The following BLTP3B variants were observed in gnomAD, a reference collection of about 807,000 sequenced individuals.
BLTP3B encodes UHRF1 (ICBP90) binding protein 1-like.
the BLTP3B span, among the ~76,000 whole-genome samples, chr12:100,041,827 A>C: frequency 6.6e-6 from 1 of 152,184 alleles, no homozygotes; most frequent in Non-Finnish European, 1.5e-5. Flanking sequence ...ATTGGAAAGG[A>C]AGAAGTAAAA....
chr12:100,056,956 T>C, the BLTP3B span, among the ~76,000 whole-genome samples: 66 of 152,370 alleles, frequency 4.3e-4, no homozygotes, highest in African/African-American at 1.6e-3. Flanking sequence ...AACTCCTTAA[T>C]GCCTTAATGA....
the BLTP3B span, among the ~76,000 whole-genome samples, chr12:100,040,874 G>A: frequency 2.6e-5 from 4 of 152,128 alleles, no homozygotes; most frequent in Admixed American, 6.6e-5. Context: ...GGCTTCACTG[G>A]AGAATTTTAT....
chr12:100,069,847 T>G, the BLTP3B span: 1 of 643,790 alleles, frequency 1.6e-6, no homozygotes, highest in African/African-American at 2.0e-5. Flanking sequence ...TTTTCCCCAA[T>G]AACCTATGGA....
At chr12:100,121,354 G>GAAA in the BLTP3B span, among the ~76,000 whole-genome samples, 256 of 97,112 alleles carry the variant, frequency 2.6e-3, 1 homozygote, top group African/African-American at 8.1e-3. Context: ...CCATCTCATG[G>GAAA]AAAAAAAAAA....
At chr12:100,129,386 A>G in the BLTP3B span, among the ~76,000 whole-genome samples, 2 of 152,212 alleles carry the variant, frequency 1.3e-5, no homozygotes, top group African/African-American at 4.8e-5. Context: ...TATGTATTCT[A>G]TGGAGGCCAA....
chr12:100,093,155 G>T, the BLTP3B span, among the ~76,000 whole-genome samples: 2 of 152,148 alleles, frequency 1.3e-5, no homozygotes, highest in East Asian at 3.9e-4. Context: ...TCTATGTTAG[G>T]GCCCAGTGGT....
the BLTP3B span, among the ~76,000 whole-genome samples, chr12:100,072,272 C>A: frequency 3.3e-5 from 5 of 150,122 alleles, no homozygotes; most frequent in Admixed American, 6.6e-5. Flanking sequence ...GAAAAAAAAA[C>A]AAAAAACAAA....
At chr12:100,066,128 G>C in the BLTP3B span, among the ~76,000 whole-genome samples, 1 of 152,134 alleles carries the variant, frequency 6.6e-6, no homozygotes, top group Non-Finnish European at 1.5e-5. Flanking sequence ...CTGCCTTCAA[G>C]AGACTCACCT....
the BLTP3B span, among the ~76,000 whole-genome samples, chr12:100,078,560 G>T: frequency 6.6e-6 from 1 of 152,096 alleles, no homozygotes; most frequent in African/African-American, 2.4e-5. Flanking sequence ...AGAGGGTGGG[G>T]GCTTTGGGTA....
chr12:100,068,819 A>G, the BLTP3B span, among the ~76,000 whole-genome samples: 1 of 152,348 alleles, frequency 6.6e-6, no homozygotes, highest in Admixed American at 6.5e-5. Context: ...TCACTTCAAG[A>G]AAGGCCATAA....
At chr12:100,070,221 A>C in the BLTP3B span, 2 of 1,540,980 alleles carry the variant, frequency 1.3e-6, no homozygotes, top group Non-Finnish European at 8.7e-7. Flanking sequence ...AAAACAAAAA[A>C]CCACAAAAGA....
the BLTP3B span, among the ~76,000 whole-genome samples, chr12:100,061,189 T>C: frequency 6.6e-6 from 1 of 152,190 alleles, no homozygotes; most frequent in African/African-American, 2.4e-5. Context: ...CTGCAGAGAC[T>C]GCATCACACT....
the BLTP3B span, among the ~76,000 whole-genome samples, chr12:100,094,311 A>G: frequency 6.6e-6 from 1 of 151,982 alleles, no homozygotes; most frequent in African/African-American, 2.4e-5. Context: ...GGGACTCAAT[A>G]TATTGCCCAG....
the BLTP3B span, among the ~76,000 whole-genome samples, chr12:100,090,738 TATTA>T: frequency 4.6e-5 from 7 of 152,276 alleles, no homozygotes; most frequent in East Asian, 5.8e-4. Context: ...GAAAACTTTT[TATTA>T]ATTAATTGTT....
the BLTP3B span, among the ~76,000 whole-genome samples, chr12:100,045,849 G>A: frequency 5.5e-4 from 84 of 152,084 alleles, no homozygotes; most frequent in Non-Finnish European, 1.1e-3. Flanking sequence ...GGTTAATATC[G>A]AGAATCTACA....
the BLTP3B span, among the ~76,000 whole-genome samples, chr12:100,080,349 C>CTTTTTTTTTTTTTTTTTT: frequency 1.4e-5 from 2 of 141,196 alleles, no homozygotes; most frequent in Non-Finnish European, 1.6e-5. Context: ...GAACCCATCT[C>CTTTTTTTTTTTTTTTTTT]TTTTTTTTTT....
chr12:100,115,491 G>A, the BLTP3B span, among the ~76,000 whole-genome samples: 14 of 152,142 alleles, frequency 9.2e-5, no homozygotes, highest in Non-Finnish European at 1.6e-4. Context: ...AGTATAGGCC[G>A]GGCGTCGTGG....
chr12:100,134,183 C>T, the BLTP3B span, among the ~76,000 whole-genome samples: 20 of 152,148 alleles, frequency 1.3e-4, no homozygotes, highest in African/African-American at 4.1e-4. Flanking sequence ...ACTCACAATT[C>T]GCTTCCCAGT....
At chr12:100,110,575 G>C in the BLTP3B span, among the ~76,000 whole-genome samples, 1 of 152,092 alleles carries the variant, frequency 6.6e-6, no homozygotes, top group African/African-American at 2.4e-5. Flanking sequence ...TGCCCTTGTG[G>C]AGTTTTCAGT....
Sources: allele counts gnomAD v4.1 joint callset (sites outside exome capture counted in the v4.1 genomes callset), GRCh38; gene constraint gnomAD v4.1.1; transcripts MANE v1.5; gene names NCBI Gene and HGNC (gene_info 2026-07-23, HGNC 2026-07-21).